PHLDB1: variants seen among roughly 807,000 people sequenced by gnomAD.
PHLDB1 encodes pleckstrin homology like domain family B member 1, also known as pleckstrin homology-like domain family B member 1.
Under a neutral mutation model 139.3 loss-of-function variants are expected in PHLDB1, and 65 were observed. That is an observed-to-expected ratio of 0.47 (90% CI 0.38 to 0.57). The LOEUF is 0.57. PHLDB1 is among the 20% of genes least tolerant of loss of function. PHLDB1 has a pLI of 0.00. For synonymous variants in PHLDB1, 679 were observed against 734.5 expected, an observed-to-expected ratio of 0.92 and a Z score of 1.22; for missense variants, 1,624 against 1,839.7, an observed-to-expected ratio of 0.88 and a Z score of 2.14.
intron 22 of PHLDB1, among the ~76,000 whole-genome samples, chr11:118,656,137 G>C (rs1949032911): frequency 6.6e-6 from 1 of 152,092 alleles, no homozygotes; most frequent in Non-Finnish European, 1.5e-5. Flanking sequence ...TGGCCGGAAG[G>C]GGTGGAGGGG....
chr11:118,610,623 G>A lies in PHLDB1; in HGVS notation c.-22+2924G>A. 3.5e-6 allele frequency: 1 copy of A among 282,942 alleles called. No individual in the cohort carries two copies. The highest frequency in any genetic ancestry group is 5.3e-6 in the Non-Finnish European group (1 of 187,374). The allele number at this position is 282,942 out of a possible 1,614,324, so 17.5% of individuals were successfully genotyped here. On this transcript the variant is annotated intron_variant, in intron 1 of 22. Transcript: ENST00000600882. The surrounding 1 kb of genome is among the most constrained non-coding windows in gnomAD (Gnocchi z 8.7). ...CTCTGGGGCTGGCTTTGGACCTCTC[G>A]TCCTGGGACTCCGTGGGAGCCCGGG...
rs145992453 is a variant in PHLDB1 at position 118,608,181 on chromosome 11, G to C, written c.-22+482G>C. On this transcript the variant is annotated intron_variant, in intron 1 of 22. Transcript: ENST00000600882. This position sits in a 1 kb window ranked among gnomAD's most constrained non-coding sequence, Gnocchi z 6.7. ...CGCCTGTCCCCAGGCCGGCCGCCTT[G>C]ATGGACCAGGAAGGGATTCGGAGTC... Among the ~76,000 whole-genome samples, 2,437 of 152,200 alleles carry C rather than the reference G, an allele frequency of 0.016. 62 individuals are homozygous for C. The highest frequency in any genetic ancestry group is 0.054 in the African/African-American group (2,258 of 41,530).
At chr11:118,622,310 G>A (rs1290991848) in intron 4 of PHLDB1, among the ~76,000 whole-genome samples, 2 of 152,314 alleles carry the variant, frequency 1.3e-5, no homozygotes, top group East Asian at 3.9e-4. Flanking sequence ...GACCCCTGGG[G>A]GCTGTAGGGG....
At chr11:118,641,699 C>T (rs782162865) in intron 12 of PHLDB1, 3 of 1,289,566 alleles carry the variant, frequency 2.3e-6, no homozygotes, top group Middle Eastern at 4.3e-4. Context: ...CCCTGGGCCT[C>T]CGCCTCCCGG....
intron 9 of PHLDB1, chr11:118,633,821 T>G (rs1489663145): frequency 6.6e-6 from 1 of 152,256 alleles, no homozygotes; most frequent in Non-Finnish European, 1.5e-5. Flanking sequence ...TGGGAGTGAC[T>G]GGGTTCAGCA....
At position 118,627,476 on chromosome 11, in the gene PHLDB1, C is replaced by A; in HGVS notation, c.653C>A (p.Ala218Glu). ...GGAGCTGCTGGCAAGAAGCCTGCCG[C>A]AACCTCTCCACTGTCACCGATGGCT... ...EPGAAGKKPA[A>E]TSPLSPMANG... is the part of the protein sequence containing the mutation. The change falls in exon 6 of 23, where the codon GCA (alanine) becomes GAA (glutamate). Residue 218 changes from alanine (A) to glutamate (E), a missense_variant. Ala to Glu is a moderately radical substitution (Grantham distance 107, BLOSUM62 -1). Transcript: ENST00000600882. The A allele has an allele frequency of 2.5e-6, 4 of 1,614,214 alleles. No individual in the cohort carries two copies. The highest frequency in any genetic ancestry group is 3.4e-6 in the Non-Finnish European group (4 of 1,180,022).
In PHLDB1 at chr11:118,639,239, G is replaced by C; in HGVS notation, c.2724G>C (p.Ser908=). 1 of 1,613,144 alleles carries C rather than the reference G, an allele frequency of 6.2e-7. No individual in the cohort carries two copies. Among genetic ancestry groups the C allele is most frequent in the Non-Finnish European group, 8.5e-7 (1 of 1,179,080 alleles). ...TGGRPFPKTT[S]TLKEMEKLLL... ...GCAGGCCTTTCCCGAAGACCACATC[G>C]ACCCTCAAAGAGGTATCATGATTGG... is the stretch of plus-strand genomic sequence containing the variant. The change falls in exon 12 of 23, where the codon TCG becomes TCC. Residue 908 remains serine, a synonymous_variant. Coordinates refer to ENST00000600882, the MANE Select transcript of PHLDB1 (RefSeq NM_001144758.3).
chr11:118,625,189 C>T lies in PHLDB1; in HGVS notation c.481+130C>T. On this transcript the variant is annotated intron_variant, in intron 5 of 22. Transcript: ENST00000600882. ...TAAGGTCTGGGCTCACTGCCACCTG[C>T]CATGGGCGGGTGGAGAATGCCAGGC... 6.3e-6 allele frequency: 7 copies of T among 1,108,756 alleles called. No individual in the cohort carries two copies. In the South Asian group the frequency reaches 1.1e-4, roughly 18 times the overall value. 68.7% of individuals were successfully genotyped at this position (1,108,756 alleles called of 1,614,324 possible).
intron 20 of PHLDB1, chr11:118,654,526 C>T (rs974784441): frequency 4.6e-5 from 7 of 152,046 alleles, no homozygotes; most frequent in African/African-American, 1.7e-4. Flanking sequence ...TATAGAGTTT[C>T]TATAGGAGAA....
rs529917149 is a variant in PHLDB1 at position 118,629,405 on chromosome 11, T to A, written c.1827+755T>A. On this transcript the variant is annotated intron_variant, in intron 6 of 22. Coordinates refer to ENST00000600882, the MANE Select transcript of PHLDB1 (RefSeq NM_001144758.3). ...CATCTGAGCTGGGTGGGGGCCAGGA[T>A]TCCCCAGATAGCTCAGGGAGCTTAA... is the stretch of plus-strand genomic sequence containing the variant. 3.1e-4 allele frequency among the ~76,000 whole-genome samples: 47 copies of A among 152,294 alleles called. 1 individual carries two copies. The South Asian group carries it at 9.5e-3, about 31-fold the overall frequency.
At chr11:118,639,692 C>A (rs1392641117) in intron 12 of PHLDB1, 4 of 268,872 alleles carry the variant, frequency 1.5e-5, no homozygotes, top group Admixed American at 1.1e-4. Context: ...GGTTCTTCCC[C>A]AAGTCTGTAT....
chr11:118,634,645 G>C (rs1945313636), intron 9 of PHLDB1: 1 of 204,022 alleles, frequency 4.9e-6, no homozygotes, highest in African/African-American at 2.4e-5. Flanking sequence ...TCTGACTGCC[G>C]TGTTACCTTC....
At chr11:118,639,384 G>A in intron 12 of PHLDB1, 133 bp downstream of exon 12, 1 of 695,114 alleles carries the variant, frequency 1.4e-6, no homozygotes, top group Admixed American at 2.2e-5. Context: ...GATTTGAGGA[G>A]GAATGGCCCC....
At chr11:118,619,821 A>C (rs1555092984) in intron 4 of PHLDB1, among the ~76,000 whole-genome samples, 1 of 152,252 alleles carries the variant, frequency 6.6e-6, no homozygotes, top group Admixed American at 6.5e-5. Flanking sequence ...CTGTTTAGCA[A>C]GAATGGAAAA....
rs782509119 is a variant in PHLDB1 at position 118,624,917 on chromosome 11, G to A, written c.356-17G>A. On this transcript the variant is annotated splice_polypyrimidine_tract_variant and intron_variant, in intron 4 of 22. Coordinates refer to ENST00000600882, the MANE Select transcript of PHLDB1 (RefSeq NM_001144758.3). ...GAGCCACCACACCTGGTCTTCAAGT[G>A]TTTGCTTTCTCTGCAGGCTGCATGT... is the stretch of plus-strand genomic sequence containing the variant. 3.8e-5 allele frequency: 62 copies of A among 1,613,748 alleles called. 1 individual carries two copies. The South Asian group carries it at 6.7e-4, about 17-fold the overall frequency.
Position 118,650,386 on chromosome 11 carries a change from C to A in PHLDB1, c.3772-59C>A. 8.2e-7 allele frequency: 1 copy of A among 1,212,298 alleles called. No individual in the cohort carries two copies. The highest frequency in any genetic ancestry group is 1.2e-6 in the Non-Finnish European group (1 of 813,348). The allele number at this position is 1,212,298 out of a possible 1,614,324, so 75.1% of individuals were successfully genotyped here. A position where few individuals can be genotyped will look rare whatever the true frequency, so the allele number is the denominator to read the frequency against. ...ATGAATACAGGCACAGGCGATGGCA[C>A]ACACTTAAGGCTTAAGGGCTGCATA... On this transcript the variant is annotated intron_variant, in intron 19 of 22. Transcript: ENST00000600882. The surrounding 1 kb of genome is among the most constrained non-coding windows in gnomAD (Gnocchi z 4.7).
rs781920005 is a variant in PHLDB1 at position 118,628,291 on chromosome 11, C to A, written c.1468C>A (p.Pro490Thr). The change falls in exon 6 of 23, where the codon CCT becomes ACT. Residue 490 changes from proline (P) to threonine (T), a missense_variant. Pro to Thr is a conservative substitution (Grantham distance 38). Transcript: ENST00000600882. ...GCTAAACAGGGAAGTGGCAGAGAGT[C>A]CTCGGCCCCGGCGCTGGGCAGCCCA... is the stretch of plus-strand genomic sequence containing the variant. Reference protein sequence around the residue: ...PKLNREVAESPRPRRWAAHGA... With the variant: ...PKLNREVAESTRPRRWAAHGA... 6.2e-7 allele frequency: 1 copy of A among 1,613,898 alleles called. No homozygotes were observed.
chr11:118,632,957 C>A lies in PHLDB1; in HGVS notation c.2379+661C>A. On this transcript the variant is annotated intron_variant, in intron 9 of 22. Coordinates refer to ENST00000600882, the MANE Select transcript of PHLDB1 (RefSeq NM_001144758.3). This position sits in a 1 kb window ranked among gnomAD's most constrained non-coding sequence, Gnocchi z 5.9. ...GATTTTTTGAGTTTCTTCCTCCTGC[C>A]CTCAATTTTGAGAATCTTAAAAATT... 2.2e-6 allele frequency: 1 copy of A among 454,718 alleles called. No homozygotes were observed. Among genetic ancestry groups the A allele is most frequent in the Non-Finnish European group, 2.9e-6 (1 of 345,512 alleles). The allele number at this position is 454,718 out of a possible 1,614,324, so 28.2% of individuals were successfully genotyped here. A position where few individuals can be genotyped will look rare whatever the true frequency, so the allele number is the denominator to read the frequency against.
chr11:118,623,180 A>T (rs1943155248), intron 4 of PHLDB1, among the ~76,000 whole-genome samples: 1 of 152,248 alleles, frequency 6.6e-6, no homozygotes, highest in African/African-American at 2.4e-5. Context: ...GTCTTAGCTC[A>T]GACTGGCGTG....
Sources: allele counts gnomAD v4.1 joint callset (sites outside exome capture counted in the v4.1 genomes callset), GRCh38; gene constraint gnomAD v4.1.1; non-coding constraint Gnocchi (gnomAD v3.1); transcripts MANE v1.5; gene names NCBI Gene and HGNC (gene_info 2026-07-23, HGNC 2026-07-21).